Variants in MDFIC2 observed in about 807,000 individuals in gnomAD.
The protein encoded by MDFIC2 is MyoD family inhibitor domain containing 2, also known as myoD family inhibitor domain-containing protein 2.
chr3:70,268,458 G>A (rs779891453), intron 2 of MDFIC2, among the ~76,000 whole-genome samples: 6 of 130,250 alleles, frequency 4.6e-5, no homozygotes, highest in Non-Finnish European at 9.4e-5. Flanking sequence ...CTGGGCAACA[G>A]AGCGAGACTC....
chr3:70,212,067 T>G (rs1369221000), intron 2 of MDFIC2, among the ~76,000 whole-genome samples: 1 of 152,094 alleles, frequency 6.6e-6, no homozygotes, highest in East Asian at 1.9e-4. Flanking sequence ...AAGGCCGTAT[T>G]TGTCCACACT....
Position 70,197,002 on chromosome 3 carries a change from C to A in MDFIC2, c.494G>T (p.Ser165Ile), listed in dbSNP as rs1370440510. ...DCSCNCDMDC[S>I]LFESCHETSE... is the part of the protein sequence containing the mutation. ...GGTCTCATGGCAAGATTCAAAAAGG[C>A]TGCAGTCCATGTCACAATTGCAGCT... Residue 165 changes from serine (S) to isoleucine (I), a missense_variant, in exon 4 of 4, where the codon AGC becomes ATC. Ser to Ile is a moderately radical substitution (Grantham distance 142). Transcript: ENST00000567252. 2 of 398,460 alleles carry A rather than the reference C, an allele frequency of 5.0e-6. No homozygotes were observed. Among genetic ancestry groups the A allele is most frequent in the African/African-American group, 4.1e-5 (2 of 48,628 alleles). The allele number at this position is 398,460 out of a possible 1,614,324, so 24.7% of individuals were successfully genotyped here.
chr3:70,286,628 G>C (rs1388066975), intron 2 of MDFIC2, among the ~76,000 whole-genome samples: 1 of 151,958 alleles, frequency 6.6e-6, no homozygotes, highest in Non-Finnish European at 1.5e-5. Context: ...GGATGGCATT[G>C]AATCTGTAAA....
At chr3:70,200,983 A>T in intron 3 of MDFIC2, among the ~76,000 whole-genome samples, 6 of 147,008 alleles carry the variant, frequency 4.1e-5, no homozygotes, top group East Asian at 2.0e-4. Context: ...GTGGGTGTTC[A>T]TTTCTCTTCT....
At chr3:70,290,003 G>T (rs1194811232) in intron 2 of MDFIC2, among the ~76,000 whole-genome samples, 1 of 152,112 alleles carries the variant, frequency 6.6e-6, no homozygotes, top group Non-Finnish European at 1.5e-5. Flanking sequence ...CCTTTGGTTT[G>T]AATGTCCTCC....
At chr3:70,276,740 T>C (rs536253108) in intron 2 of MDFIC2, among the ~76,000 whole-genome samples, 1 of 152,250 alleles carries the variant, frequency 6.6e-6, no homozygotes, top group African/African-American at 2.4e-5. Context: ...TTATGTATTA[T>C]CTGTGTTTTC....
intron 2 of MDFIC2, chr3:70,291,847 T>A (rs2106693718): frequency 6.6e-6 from 1 of 152,366 alleles, no homozygotes; most frequent in East Asian, 1.9e-4. Context: ...TGTCTGGTGA[T>A]CTTATCTTCG....
chr3:70,228,020 A>G (rs920980972), intron 2 of MDFIC2, among the ~76,000 whole-genome samples: 4 of 151,512 alleles, frequency 2.6e-5, no homozygotes, highest in East Asian at 1.9e-4. Context: ...TAATAGTAAT[A>G]TAATAAGCAA....
At chr3:70,250,516 T>A (rs1409856233) in intron 2 of MDFIC2, among the ~76,000 whole-genome samples, 2 of 152,012 alleles carry the variant, frequency 1.3e-5, no homozygotes, top group African/African-American at 4.8e-5. Context: ...CTTTGAGCTT[T>A]TAGATAAATA....
chr3:70,202,822 AC>A (rs1340536167), intron 3 of MDFIC2, among the ~76,000 whole-genome samples: 1 of 152,104 alleles, frequency 6.6e-6, no homozygotes, highest in Non-Finnish European at 1.5e-5. Context: ...TAAATGTACA[AC>A]TGGGGACTGG....
intron 2 of MDFIC2, among the ~76,000 whole-genome samples, chr3:70,234,080 C>T (rs1701586786): frequency 6.6e-6 from 1 of 152,086 alleles, no homozygotes. Context: ...AATTCTGATA[C>T]ACACATTAAG....
chr3:70,226,737 T>TAAAA (rs369777217), intron 2 of MDFIC2, among the ~76,000 whole-genome samples: 73 of 121,408 alleles, frequency 6.0e-4, no homozygotes, highest in East Asian at 7.1e-4. Context: ...GACTCTGTCT[T>TAAAA]AAAAAAAAAA....
rs553566359 is a variant in MDFIC2, at chr3:70,225,325, G to C, written c.89-18535C>G. Among the ~76,000 whole-genome samples, 8 of 152,234 alleles carry C rather than the reference G, an allele frequency of 5.3e-5. No individual in the cohort carries two copies. The South Asian group carries it at 1.7e-3, about 32-fold the overall frequency. Reference sequence around the variant, plus strand: ...TAATTATATGTCTTCCTCCCACTTGGAAAGTGGCACAAGGTGCTCATTTGC... The same window carrying C: ...TAATTATATGTCTTCCTCCCACTTGCAAAGTGGCACAAGGTGCTCATTTGC... On this transcript the variant is annotated intron_variant, in intron 2 of 3. Coordinates refer to ENST00000567252, the MANE Select transcript of MDFIC2 (RefSeq NM_001364677.1).
chr3:70,270,334 G>A (rs1477216990), intron 2 of MDFIC2, among the ~76,000 whole-genome samples: 1 of 152,100 alleles, frequency 6.6e-6, no homozygotes, highest in Admixed American at 6.5e-5. Context: ...AAAAATAGAT[G>A]TACAAAGAAT....
At chr3:70,215,772 A>G (rs1165018291) in intron 2 of MDFIC2, among the ~76,000 whole-genome samples, 1 of 152,150 alleles carries the variant, frequency 6.6e-6, no homozygotes, top group Non-Finnish European at 1.5e-5. Context: ...GAAAGCAAGT[A>G]ATAAATACAT....
intron 3 of MDFIC2, among the ~76,000 whole-genome samples, chr3:70,202,746 G>A (rs72941581): frequency 0.012 from 1,810 of 152,234 alleles, 28 homozygotes; most frequent in African/African-American, 0.04. Context: ...TTTAGGACAT[G>A]GAGGCTGTGA....
chr3:70,232,409 T>C lies in MDFIC2; in HGVS notation c.89-25619A>G, dbSNP rs531189385. On this transcript the variant is annotated intron_variant, in intron 2 of 3. Coordinates refer to ENST00000567252, the MANE Select transcript of MDFIC2 (RefSeq NM_001364677.1). The stretch of plus-strand genomic sequence containing the variant: ...GACACAATGATGATGTTCCTATTTT[T>C]TTTTTTTTCTTGCGATGGAGTCTCG... 3.0e-3 allele frequency among the ~76,000 whole-genome samples: 458 copies of C among 152,034 alleles called. 1 individual carries two copies. Among genetic ancestry groups the C allele is most frequent in the African/African-American group, 0.011 (444 of 41,488 alleles).
chr3:70,238,016 G>A (rs1265969929), intron 2 of MDFIC2, among the ~76,000 whole-genome samples: 1 of 35,876 alleles, frequency 2.8e-5, no homozygotes. Flanking sequence ...GCCTGTCCAG[G>A]ATCCCTTTTT....
chr3:70,286,866 G>A (rs138557474), intron 2 of MDFIC2, among the ~76,000 whole-genome samples: 7 of 151,962 alleles, frequency 4.6e-5, no homozygotes, highest in Admixed American at 2.6e-4. Context: ...TTTGTCTGTT[G>A]TTGGTGTATA....
Sources: gnomAD v4.1 joint callset for allele counts (sites outside exome capture counted in the v4.1 genomes callset) on GRCh38, gnomAD v4.1.1 for gene constraint, MANE v1.5 for transcripts, NCBI Gene and HGNC (gene_info 2026-07-23, HGNC 2026-07-21) for gene names.